SLC19A2: variants seen among roughly 807,000 people sequenced by gnomAD.
SLC19A2 encodes thiamine transporter 1.
Under a neutral mutation model 44.7 loss-of-function variants are expected in SLC19A2, and 27 were observed. The ratio of observed to expected loss-of-function variants is 0.60; its 90% CI spans 0.45 to 0.83. The LOEUF (loss-of-function observed/expected upper bound fraction) is 0.83. Among genes scored for constraint, SLC19A2 ranks in the 40% least tolerant of loss-of-function variants. The probability of loss-of-function intolerance (pLI) is 0.00; values close to 1 mark genes in which losing one functional copy is unlikely to be tolerated. For missense variants in SLC19A2, 566 were observed against 613.7 expected (o/e 0.92, Z 0.82); for synonymous variants, 239 against 243.6 (o/e 0.98, Z 0.18).
intron 4 of SLC19A2, 50 bp downstream of exon 4, chr1:169,468,594 T>C: frequency 6.5e-7 from 1 of 1,534,250 alleles, no homozygotes; most frequent in Non-Finnish European, 9.0e-7. Flanking sequence ...AACCAAAAAA[T>C]TTATCCTGTT....
At chr1:169,483,709 A>G (rs1419024832) in intron 1 of SLC19A2, among the ~76,000 whole-genome samples, 1 of 152,242 alleles carries the variant, frequency 6.6e-6, no homozygotes, top group Non-Finnish European at 1.5e-5. Context: ...TACCCAGAGC[A>G]CATGACAAAA....
At chr1:169,468,346 A>G (rs1658085124) in intron 4 of SLC19A2, 94 bp from the exon 5 acceptor site, 4 of 1,113,644 alleles carry the variant, frequency 3.6e-6, no homozygotes, top group Admixed American at 4.7e-5. Flanking sequence ...ATCTTTAAAC[A>G]TGAAGAGTCC....
chr1:169,465,559 G>A lies in SLC19A2; in HGVS notation c.*290C>T, dbSNP rs1287613363. The A allele has an allele frequency of 4.9e-6, 2 of 407,936 alleles. No homozygotes were observed. The highest frequency in any genetic ancestry group is 9.2e-6 in the Non-Finnish European group (2 of 217,482). The allele number at this position is 407,936 out of a possible 1,614,324, so 25.3% of individuals were successfully genotyped here. On this transcript the variant is annotated 3_prime_UTR_variant, in exon 6 of 6. Coordinates refer to ENST00000236137, the MANE Select transcript of SLC19A2 (RefSeq NM_006996.3). ...TTGCTAATGAAGTATACAACACCAT[G>A]TGCTGCTTTGATTGCTCTTGACTGG...
At chr1:169,470,750 A>G (rs1032480422) in intron 2 of SLC19A2, among the ~76,000 whole-genome samples, 3 of 152,200 alleles carry the variant, frequency 2.0e-5, no homozygotes, top group Non-Finnish European at 4.4e-5. Flanking sequence ...AAATAGTATT[A>G]TAATAAAGTA....
intron 2 of SLC19A2, among the ~76,000 whole-genome samples, chr1:169,473,908 T>C (rs1489320771): frequency 6.6e-6 from 1 of 151,588 alleles, no homozygotes; most frequent in African/African-American, 2.4e-5. Flanking sequence ...TTACCATTTA[T>C]TGGAAACCTA....
At chr1:169,478,525 T>A (rs1016823052) in intron 1 of SLC19A2, among the ~76,000 whole-genome samples, 90 of 62,236 alleles carry the variant, frequency 1.4e-3, no homozygotes, top group African/African-American at 6.2e-3. Flanking sequence ...ACCAGCTAAT[T>A]TTTTTTTTTT....
At chr1:169,468,528 G>T in intron 4 of SLC19A2, 116 bp downstream of exon 4, 1 of 847,646 alleles carries the variant, frequency 1.2e-6, no homozygotes, top group Non-Finnish European at 1.9e-6. Context: ...ATAATACAAT[G>T]CTTCCTCCCA....
chr1:169,466,549 G>A (rs1657997464), intron 5 of SLC19A2, among the ~76,000 whole-genome samples: 2 of 151,674 alleles, frequency 1.3e-5, no homozygotes, highest in South Asian at 4.2e-4. Flanking sequence ...AAGTTCTGGG[G>A]TACATGTGCA....
chr1:169,471,670 A>G (rs1246997904), intron 2 of SLC19A2, among the ~76,000 whole-genome samples: 1 of 67,130 alleles, frequency 1.5e-5, no homozygotes, highest in Non-Finnish European at 2.9e-5. Context: ...GTCTCAAAAA[A>G]CAAACGTGTG....
chr1:169,485,351 T>C (rs565716829), intron 1 of SLC19A2, among the ~76,000 whole-genome samples: 6 of 152,354 alleles, frequency 3.9e-5, no homozygotes, highest in Admixed American at 2.0e-4. Context: ...TGGACGCGTG[T>C]TCTGAGCCCT....
Position 169,485,622 on chromosome 1 carries a change from A to G in SLC19A2, c.145T>C (p.Ser49Pro). The part of the protein sequence containing the change: ...AYGFFASLRP[S>P]EPFLTPYLLG... Reference sequence around the variant, plus strand: ...AGGTACGGGGTCAGGAAGGGCTCGGACGGCCTGAGGCTGGCGAAGAAGCCG... The same window carrying G: ...AGGTACGGGGTCAGGAAGGGCTCGGGCGGCCTGAGGCTGGCGAAGAAGCCG... Residue 49 changes from serine (S) to proline (P), a missense_variant, in exon 1 of 6, where the codon TCC becomes CCC. Coordinates refer to ENST00000236137, the MANE Select transcript of SLC19A2 (RefSeq NM_006996.3). 1 of 1,571,012 alleles carries G rather than the reference A, an allele frequency of 6.4e-7. No individual in the cohort carries two copies. The highest frequency in any genetic ancestry group is 8.6e-7 in the Non-Finnish European group (1 of 1,158,170).
At chr1:169,466,034 ATAAAG>A in intron 5 of SLC19A2, 57 bp from the exon 6 acceptor site, 3 of 1,599,884 alleles carry the variant, frequency 1.9e-6, no homozygotes, top group Non-Finnish European at 2.6e-6. Flanking sequence ...TTACTCTATA[ATAAAG>A]TATATTCAGA....
rs1475000367 is a variant in SLC19A2, at chr1:169,485,917, C to A, written c.-151G>T. 3.3e-5 allele frequency: 31 copies of A among 934,758 alleles called. No individual in the cohort carries two copies. Among genetic ancestry groups the A allele is most frequent in the Non-Finnish European group, 4.7e-5 (30 of 642,218 alleles). The allele number at this position is 934,758 out of a possible 1,614,324, so 57.9% of individuals were successfully genotyped here. Reference sequence around the variant, plus strand: ...CTCGCCGCCGCCTCCGGCTACAGAACCCCCAGCTTTACCCTACAGACGCCT... The same window carrying A: ...CTCGCCGCCGCCTCCGGCTACAGAAACCCCAGCTTTACCCTACAGACGCCT... On this transcript the variant is annotated 5_prime_UTR_variant, in exon 1 of 6. Transcript: ENST00000236137.
In SLC19A2 at chr1:169,465,731, GCTGTGAAGT is replaced by G; in HGVS notation, c.*109_*117del. The G allele has an allele frequency of 1.8e-6, 2 of 1,093,926 alleles. No homozygotes were observed. Among genetic ancestry groups the G allele is most frequent in the Non-Finnish European group, 2.8e-6 (2 of 721,960 alleles). 67.8% of individuals were successfully genotyped at this position (1,093,926 alleles called of 1,614,324 possible). A position where few individuals can be genotyped will look rare whatever the true frequency, so the allele number is the denominator to read the frequency against. ...AACACAAGGTATTAGTCAAGTGGCT[GCTGTGAAGT>G]CAAGAAATGCACATTCATAAATATA... On this transcript the variant is annotated 3_prime_UTR_variant, in exon 6 of 6. Transcript: ENST00000236137.
At chr1:169,471,829 C>A (rs1658192090) in intron 2 of SLC19A2, among the ~76,000 whole-genome samples, 1 of 151,896 alleles carries the variant, frequency 6.6e-6, no homozygotes, top group Admixed American at 6.6e-5. Flanking sequence ...GCTAGAAAAC[C>A]TCACTGGACT....
At position 169,470,132 on chromosome 1, in the gene SLC19A2, T is replaced by C. The variant is rs754265603; in HGVS notation, c.862A>G (p.Met288Val). The C allele has an allele frequency of 6.2e-7, 1 of 1,614,012 alleles. No individual in the cohort carries two copies. The highest frequency in any genetic ancestry group is 8.5e-7 in the Non-Finnish European group (1 of 1,179,952). Residue 288 changes from methionine (M) to valine (V), a missense_variant, in exon 3 of 6, where the codon ATG becomes GTG. Transcript: ENST00000236137. ...AGAAGAGGGCGAGAGGAGTAGCACA[T>C]CAGGAAATCATTCCATAGTACTTTC... Reference protein sequence around the residue: ...VLKVLWNDFLMCYSSRPLLCW... With the variant: ...VLKVLWNDFLVCYSSRPLLCW...
chr1:169,483,178 T>G (rs911556469), intron 1 of SLC19A2, among the ~76,000 whole-genome samples: 1 of 152,194 alleles, frequency 6.6e-6, no homozygotes, highest in South Asian at 2.1e-4. Context: ...CTCCTTTTGT[T>G]TTAGGATTTA....
chr1:169,485,664 C>T lies in SLC19A2; in HGVS notation c.103G>A (p.Ala35Thr), dbSNP rs1163385140. 6.4e-7 allele frequency: 1 copy of T among 1,553,104 alleles called. No homozygotes were observed. Among genetic ancestry groups the T allele is most frequent in the East Asian group, 2.4e-5 (1 of 41,076 alleles). The change falls in exon 1 of 6, where the codon GCG (alanine) becomes ACG (threonine). Residue 35 changes from alanine (A) to threonine (T), a missense_variant. Coordinates refer to ENST00000236137, the MANE Select transcript of SLC19A2 (RefSeq NM_006996.3). ...VRRECWFLPT[A>T]LLCAYGFFAS... ...AAGAAGCCGTAGGCGCAGAGCAGCGCGGTCGGCAAGAACCAGCATTCGCGA... is the reference window on the plus strand; with the variant it reads ...AAGAAGCCGTAGGCGCAGAGCAGCGTGGTCGGCAAGAACCAGCATTCGCGA...
chr1:169,468,083 A>G (rs1412733715), intron 5 of SLC19A2, 28 bp downstream of exon 5: 4 of 1,612,244 alleles, frequency 2.5e-6, no homozygotes, highest in Non-Finnish European at 3.4e-6. Context: ...CACACATACT[A>G]CCTTCGATGC....
Sources: allele counts gnomAD v4.1 joint callset (sites outside exome capture counted in the v4.1 genomes callset), GRCh38; gene constraint gnomAD v4.1.1; transcripts MANE v1.5; gene names NCBI Gene and HGNC (gene_info 2026-07-23, HGNC 2026-07-21).